The following GRAMD1B variants were observed in gnomAD, a reference collection of about 807,000 sequenced individuals.
GRAMD1B encodes protein Aster-B.
In GRAMD1B, 37 loss-of-function variants were observed where a neutral mutation model predicts 99.7. That is an observed-to-expected ratio of 0.37 (90% confidence interval 0.29 to 0.49). GRAMD1B has a LOEUF of 0.49. Among genes scored for constraint, GRAMD1B ranks in the 20% least tolerant of loss-of-function variants. GRAMD1B has a pLI of 0.98. For synonymous variants in GRAMD1B, 427 were observed against 387.6 expected (o/e 1.10, Z -1.19); for missense variants, 888 against 1,009.2 (o/e 0.88, Z 1.63).
intron 3 of GRAMD1B, among the ~76,000 whole-genome samples, chr11:123,578,881 G>T (rs1449947093): frequency 3.3e-5 from 5 of 152,170 alleles, no homozygotes; most frequent in African/African-American, 1.2e-4. Flanking sequence ...TGCGCTGACT[G>T]GGGGGCAGGG....
At chr11:123,528,662 C>G (rs1037703033) in intron 2 of GRAMD1B, among the ~76,000 whole-genome samples, 1 of 152,132 alleles carries the variant, frequency 6.6e-6, no homozygotes, top group Admixed American at 6.5e-5. Context: ...ATAATTTCCG[C>G]TCTGTGTAAT....
At chr11:123,560,398 T>G in intron 2 of GRAMD1B, 1 of 1,166,592 alleles carries the variant, frequency 8.6e-7, no homozygotes, top group South Asian at 1.6e-5. Flanking sequence ...GAGAGGGAAA[T>G]AAAGGGGAGT....
chr11:123,605,266 A>G (rs1952558107), intron 9 of GRAMD1B, 56 bp from the exon 10 acceptor site: 1 of 1,251,724 alleles, frequency 8.0e-7, no homozygotes, highest in Non-Finnish European at 1.1e-6. Flanking sequence ...TTCTTAGAAT[A>G]GTTGGCCATC....
chr11:123,377,539 T>C (rs555009408), intron 1 of GRAMD1B, among the ~76,000 whole-genome samples: 2 of 152,256 alleles, frequency 1.3e-5, no homozygotes, highest in South Asian at 4.1e-4. Context: ...GCGCCAGGCC[T>C]GGTGAATATC....
At chr11:123,605,999 A>G (rs1862499224) in intron 10 of GRAMD1B, among the ~76,000 whole-genome samples, 1 of 152,120 alleles carries the variant, frequency 6.6e-6, no homozygotes, top group Non-Finnish European at 1.5e-5. Flanking sequence ...TAGAACCTTG[A>G]TGAGGAAAGA....
intron 1 of GRAMD1B, among the ~76,000 whole-genome samples, chr11:123,447,879 A>T (rs1214350695): frequency 6.6e-6 from 1 of 152,096 alleles, no homozygotes; most frequent in Non-Finnish European, 1.5e-5. Context: ...GGTGCTGAAA[A>T]ACTGCCTGTA....
chr11:123,432,505 A>G (rs2134188350), intron 1 of GRAMD1B, among the ~76,000 whole-genome samples: 1 of 151,784 alleles, frequency 6.6e-6, no homozygotes, highest in Non-Finnish European at 1.5e-5. Context: ...GCAGTGAGCC[A>G]AGACTGTGCC....
chr11:123,396,523 G>A (rs938072196), intron 1 of GRAMD1B, among the ~76,000 whole-genome samples: 18 of 152,050 alleles, frequency 1.2e-4, no homozygotes, highest in Admixed American at 8.5e-4. Context: ...GGATCCGCCC[G>A]CCTCAGCCTC....
At chr11:123,483,391 C>CTTTTTTTTTTT (rs67407274) in intron 2 of GRAMD1B, among the ~76,000 whole-genome samples, 1 of 134,188 alleles carries the variant, frequency 7.5e-6, no homozygotes. Context: ...TTTTCTTTTT[C>CTTTTTTTTTTT]TTTTTTTTTT....
rs1374311060 is a variant in GRAMD1B at position 123,622,541 on chromosome 11, C to G, written c.2580C>G (p.Ile860Met). The change falls in exon 20 of 20, where the codon ATC becomes ATG. Residue 860 changes from isoleucine to methionine, a missense_variant. Around this residue, in one of 5 missense-constraint regions of GRAMD1B, gnomAD observed 232 missense variants for 261.7 expected, o/e 0.89. Transcript: ENST00000635736. Reference sequence around the variant, plus strand: ...CGCTCATCAACCTTCAGAACGGCATCAGGTCCCGCGACTACACGTCGGAAA... The same window carrying G: ...CGCTCATCAACCTTCAGAACGGCATGAGGTCCCGCGACTACACGTCGGAAA... ...KDSLINLQNG[I>M]RSRDYTSESE... 1 of 1,558,574 alleles carries G rather than the reference C, an allele frequency of 6.4e-7. No homozygotes were observed. The highest frequency in any genetic ancestry group is 8.7e-7 in the Non-Finnish European group (1 of 1,151,118).
At chr11:123,406,532 G>A (rs1408556012) in intron 1 of GRAMD1B, among the ~76,000 whole-genome samples, 2 of 152,226 alleles carry the variant, frequency 1.3e-5, no homozygotes, top group Non-Finnish European at 2.9e-5. Flanking sequence ...GATTACAGGT[G>A]TGAGCCACTC....
At chr11:123,433,626 C>T (rs1356940423) in intron 1 of GRAMD1B, among the ~76,000 whole-genome samples, 1 of 151,972 alleles carries the variant, frequency 6.6e-6, no homozygotes, top group Non-Finnish European at 1.5e-5. Context: ...TGAATAACCA[C>T]TGCATTTCAG....
In GRAMD1B at chr11:123,551,747, T is replaced by C. The variant is rs143496528; in HGVS notation, c.453-25620T>C. Among the ~76,000 whole-genome samples, 9 of 152,270 alleles carry C rather than the reference T, an allele frequency of 5.9e-5. No individual in the cohort carries two copies. In the East Asian group the frequency reaches 1.5e-3, roughly 26 times the overall value. On this transcript the variant is annotated intron_variant, in intron 2 of 19. Coordinates refer to ENST00000635736, the MANE Select transcript of GRAMD1B (RefSeq NM_001387025.1). Reference sequence around the variant, plus strand: ...CCCATTTGTAGCCACCTGTTGGTAGTTTCTTCATTCATGGCCTTCCTTTTT... The same window carrying C: ...CCCATTTGTAGCCACCTGTTGGTAGCTTCTTCATTCATGGCCTTCCTTTTT...
intron 1 of GRAMD1B, chr11:123,454,274 C>T (rs1349589176): frequency 6.6e-6 from 1 of 152,224 alleles, no homozygotes; most frequent in African/African-American, 2.4e-5. Context: ...TGGTTACTTC[C>T]TTTGTCCCTC....
At chr11:123,514,782 A>T (rs1280713191) in intron 2 of GRAMD1B, among the ~76,000 whole-genome samples, 1 of 152,254 alleles carries the variant, frequency 6.6e-6, no homozygotes, top group Non-Finnish European at 1.5e-5. Flanking sequence ...GCTCCAAGGT[A>T]GACAAGTAAG....
chr11:123,609,777 G>A lies in GRAMD1B; in HGVS notation c.1658-18G>A, dbSNP rs1453390248. ...TCTGCCCTCCCTTCCTCATTCCAGG[G>A]CTCTCCTCTACCCTTAGATATCATC... On this transcript the variant is annotated intron_variant, in intron 12 of 19. Coordinates refer to ENST00000635736, the MANE Select transcript of GRAMD1B (RefSeq NM_001387025.1). 2 of 1,375,094 alleles carry A rather than the reference G, an allele frequency of 1.5e-6. No individual in the cohort carries two copies. The highest frequency in any genetic ancestry group is 3.8e-5 in the Admixed American group (2 of 52,922). 85.2% of individuals were successfully genotyped at this position (1,375,094 alleles called of 1,614,324 possible). A position where few individuals can be genotyped will look rare whatever the true frequency, so the allele number is the denominator to read the frequency against.
At chr11:123,359,662 A>G (rs1192977969) in intron 1 of GRAMD1B, among the ~76,000 whole-genome samples, 1 of 152,110 alleles carries the variant, frequency 6.6e-6, no homozygotes, top group African/African-American at 2.4e-5. Flanking sequence ...AACTCCACCC[A>G]AGGCCCAGTA....
At chr11:123,488,621 C>T (rs949708674) in intron 2 of GRAMD1B, among the ~76,000 whole-genome samples, 10 of 152,248 alleles carry the variant, frequency 6.6e-5, no homozygotes, top group South Asian at 2.1e-4. Context: ...CCTGGGGAGC[C>T]GGATCTTCTC....
chr11:123,360,002 A>C (rs74798062), intron 1 of GRAMD1B, among the ~76,000 whole-genome samples: 2,280 of 152,208 alleles, frequency 0.015, 54 homozygotes, highest in African/African-American at 0.052. Context: ...TCTCTCTTGG[A>C]GTTCAGGAAA....
Sources: gnomAD v4.1 joint callset for allele counts (sites outside exome capture counted in the v4.1 genomes callset) on GRCh38, gnomAD v4.1.1 for gene constraint, gnomAD v4.1.1 regional missense constraint, MANE v1.5 for transcripts, NCBI Gene and HGNC (gene_info 2026-07-23, HGNC 2026-07-21) for gene names.